SPATA13: variants seen among roughly 807,000 people sequenced by gnomAD.
The protein encoded by SPATA13 is spermatogenesis associated 13.
In SPATA13, 50 loss-of-function variants were observed where a neutral mutation model predicts 104.0. The observed-to-expected ratio is 0.48, with a 90% CI of 0.38 to 0.61. The LOEUF (loss-of-function observed/expected upper bound fraction) is 0.61. Among genes scored for constraint, SPATA13 ranks in the 20% least tolerant of loss-of-function variants. The pLI is 0.00. For synonymous variants in SPATA13, 606 were observed against 667.5 expected (o/e 0.91, Z 1.42); for missense variants, 1,524 against 1,690.6 (o/e 0.90, Z 1.73).
At chr13:24,128,645 GCCTTGTTGTGGAAACAGGACT>G (rs1463002125) in intron 3 of SPATA13, among the ~76,000 whole-genome samples, 1 of 151,802 alleles carries the variant, frequency 6.6e-6, no homozygotes, top group Non-Finnish European at 1.5e-5. Context: ...ATGTGGACAG[GCCTTGTTGTGGAAACAGGACT>G]CCCGGGAGCA....
intron 3 of SPATA13, among the ~76,000 whole-genome samples, chr13:24,082,768 C>T (rs888428462): frequency 3.8e-5 from 5 of 132,260 alleles, no homozygotes; most frequent in South Asian, 2.5e-4. Context: ...TGCAGTGAGC[C>T]GAGATTGCGC....
In SPATA13 at chr13:24,103,504, A is replaced by AAAAAAAAAAAAAAAAAAAG. The variant is rs1458068316; in HGVS notation, c.-112+85804_-112+85805insAAAAAAAAAAAAAAAAAGA. ...TGTCTCAAAAAAAAAAAAAAAAAAC[A>AAAAAAAAAAAAAAAAAAAG]AGAAAGAAAAGAGCAGGGGAGGAGA... is the stretch of plus-strand genomic sequence containing the variant. On this transcript the variant is annotated intron_variant, in intron 3 of 14. Coordinates refer to the SPATA13 transcript ENST00000424834. Among the ~76,000 whole-genome samples the AAAAAAAAAAAAAAAAAAAG allele has an allele frequency of 1.5e-4, 17 of 115,608 alleles. 2 individuals are homozygous for AAAAAAAAAAAAAAAAAAAG. The highest frequency in any genetic ancestry group is 2.5e-4 in the African/African-American group (8 of 31,866). The allele number at this position is 115,608 out of a possible 152,430, so 75.8% of individuals were successfully genotyped here. A position where few individuals can be genotyped will look rare whatever the true frequency, so the allele number is the denominator to read the frequency against.
intron 4 of SPATA13, among the ~76,000 whole-genome samples, chr13:24,277,619 C>T (rs1185256393): frequency 1.3e-5 from 2 of 152,096 alleles, no homozygotes; most frequent in African/African-American, 4.8e-5. Context: ...GACCCAGCCC[C>T]TGTATAGCCC....
chr13:24,000,611 C>G (rs1380530700), intron 2 of SPATA13, among the ~76,000 whole-genome samples: 1 of 152,096 alleles, frequency 6.6e-6, no homozygotes. Context: ...GAGAAGACGG[C>G]CCAAGAAGGA....
At chr13:24,042,509 C>G (rs1877971468) in intron 3 of SPATA13, among the ~76,000 whole-genome samples, 1 of 152,150 alleles carries the variant, frequency 6.6e-6, no homozygotes, top group Non-Finnish European at 1.5e-5. Context: ...AGATCAGAGA[C>G]ACAAGTGCAC....
At chr13:24,091,176 C>T (rs1441730416) in intron 3 of SPATA13, among the ~76,000 whole-genome samples, 1 of 152,224 alleles carries the variant, frequency 6.6e-6, no homozygotes, top group East Asian at 1.9e-4. Context: ...CTTACCCTGA[C>T]CTCTCTGCTA....
At chr13:24,045,868 C>T (rs1878125815) in intron 3 of SPATA13, among the ~76,000 whole-genome samples, 1 of 152,184 alleles carries the variant, frequency 6.6e-6, no homozygotes, top group South Asian at 2.1e-4. Flanking sequence ...CTCAGATGAA[C>T]TGATTCCATT....
At chr13:24,126,932 A>G (rs1881237576) in intron 3 of SPATA13, among the ~76,000 whole-genome samples, 1 of 152,202 alleles carries the variant, frequency 6.6e-6, no homozygotes, top group Admixed American at 6.5e-5. Context: ...AGAGATCATA[A>G]TGGGAAGACT....
At chr13:24,283,226 A>T (rs1875681842) in intron 4 of SPATA13, among the ~76,000 whole-genome samples, 1 of 152,092 alleles carries the variant, frequency 6.6e-6, no homozygotes. Flanking sequence ...GACTCTCCCT[A>T]TTATATTTCC....
At chr13:24,035,193 C>T (rs928252606) in intron 3 of SPATA13, among the ~76,000 whole-genome samples, 6 of 152,172 alleles carry the variant, frequency 3.9e-5, no homozygotes, top group East Asian at 1.9e-4. Flanking sequence ...TCACTCTTGT[C>T]GCCCAGGCTG....
chr13:24,236,914 CA>C (rs1277337299), intron 2 of SPATA13, among the ~76,000 whole-genome samples: 3 of 152,114 alleles, frequency 2.0e-5, no homozygotes, highest in African/African-American at 7.2e-5. Context: ...GAATTGAAAA[CA>C]GGACTCAAAC....
intron 3 of SPATA13, among the ~76,000 whole-genome samples, chr13:24,111,555 A>G (rs1187418399): frequency 6.6e-6 from 1 of 152,032 alleles, no homozygotes; most frequent in Admixed American, 6.6e-5. Context: ...CCACAGGTAC[A>G]CACCACCACA....
In SPATA13 at chr13:24,037,971, G is replaced by T. The variant is rs937646460; in HGVS notation, c.-112+20270G>T. The stretch of plus-strand genomic sequence containing the variant: ...CTGTCACCCAGGCTGCATTGCAGTG[G>T]CACAATCTTGGCTCACTGCAAGCTC... On this transcript the variant is annotated intron_variant, in intron 3 of 14. Coordinates refer to the SPATA13 transcript ENST00000424834. Among the ~76,000 whole-genome samples, 14 of 151,996 alleles carry T rather than the reference G, an allele frequency of 9.2e-5. No homozygotes were observed. In the East Asian group the frequency reaches 2.1e-3, roughly 23 times the overall value.
intron 3 of SPATA13, among the ~76,000 whole-genome samples, chr13:24,142,569 T>A (rs1165529377): frequency 2.0e-5 from 3 of 152,036 alleles, no homozygotes; most frequent in Non-Finnish European, 4.4e-5. Flanking sequence ...ATGGGAAGTG[T>A]TTTTCCTTGA....
rs10566756 is a variant in SPATA13, at chr13:24,014,879, A to ATTTTTTTTTTT, written c.-146-2769_-146-2759dup. On this transcript the variant is annotated intron_variant, in intron 2 of 14. Transcript: ENST00000424834. ...AGGTTCCCTTTTTGGCACTTTCTGGATTTTTTTTTTTTTTTTTTTTTTTTT... is the reference window on the plus strand; with the variant it reads ...AGGTTCCCTTTTTGGCACTTTCTGGATTTTTTTTTTTTTTTTTTTTTTTTTTTTTTTTTTTT... 1.0e-4 allele frequency among the ~76,000 whole-genome samples: 8 copies of ATTTTTTTTTTT among 78,698 alleles called. 1 individual carries two copies. Among genetic ancestry groups the ATTTTTTTTTTT allele is most frequent in the Non-Finnish European group, 1.4e-4 (6 of 42,032 alleles). The allele number at this position is 78,698 out of a possible 152,430, so 51.6% of individuals were successfully genotyped here. A position where few individuals can be genotyped will look rare whatever the true frequency, so the allele number is the denominator to read the frequency against.
intron 7 of SPATA13, among the ~76,000 whole-genome samples, chr13:24,288,560 T>G (rs1440092595): frequency 2.7e-5 from 2 of 72,742 alleles, no homozygotes; most frequent in Non-Finnish European, 7.0e-5. Context: ...GGTGGAATCC[T>G]TGGGTAAGAG....
At chr13:24,002,701 C>T (rs1480782767) in intron 2 of SPATA13, among the ~76,000 whole-genome samples, 2 of 152,176 alleles carry the variant, frequency 1.3e-5, no homozygotes, top group Non-Finnish European at 2.9e-5. Flanking sequence ...GAAGGAAGAG[C>T]ATCCAGTGCA....
intron 2 of SPATA13, among the ~76,000 whole-genome samples, chr13:23,986,249 G>A (rs567308983): frequency 9.2e-5 from 14 of 152,280 alleles, no homozygotes; most frequent in African/African-American, 3.4e-4. Flanking sequence ...CAAGCAAAAT[G>A]TTATTTTTCT....
intron 1 of SPATA13, among the ~76,000 whole-genome samples, chr13:24,202,748 T>C (rs1870492439): frequency 1.3e-5 from 2 of 152,106 alleles, no homozygotes; most frequent in Admixed American, 1.3e-4. Flanking sequence ...TTTGCATTTA[T>C]TATTTGAGAT....
Sources: gnomAD v4.1 joint callset for allele counts (sites outside exome capture counted in the v4.1 genomes callset) on GRCh38, gnomAD v4.1.1 for gene constraint, MANE v1.5 for transcripts, NCBI Gene and HGNC (gene_info 2026-07-23, HGNC 2026-07-21) for gene names.